The following GRM7 variants were observed in gnomAD, a reference collection of about 807,000 sequenced individuals.
The protein encoded by GRM7 is glutamate metabotropic receptor 7, also known as metabotropic glutamate receptor 7.
A neutral mutation model predicts 84.5 loss-of-function variants in GRM7; 35 were observed. That is an observed-to-expected ratio of 0.41 (90% CI 0.32 to 0.55). The LOEUF is 0.55. Among genes scored for constraint, GRM7 ranks in the 20% least tolerant of loss-of-function variants. The pLI is 0.19. For synonymous variants in GRM7, 487 were observed against 455.1 expected, an observed-to-expected ratio of 1.07 and a Z score of -0.89; for missense variants, 1,003 against 1,194.6, an observed-to-expected ratio of 0.84 and a Z score of 2.36.
intron 9 of GRM7, among the ~76,000 whole-genome samples, chr3:7,727,133 A>T (rs80180499): frequency 0.01 from 1,596 of 152,228 alleles, 36 homozygotes; most frequent in African/African-American, 0.036. Flanking sequence ...GCACATAAGC[A>T]TTTTCTATGT....
intron 1 of GRM7, among the ~76,000 whole-genome samples, chr3:7,075,930 C>G (rs1698061529): frequency 6.9e-6 from 1 of 145,554 alleles, no homozygotes; most frequent in African/African-American, 2.8e-5. Context: ...ACAAAACTGA[C>G]TTTTAATTTT....
Position 7,199,470 on chromosome 3 carries a change from A to G in GRM7, c.736+52802A>G, listed in dbSNP as rs186216642. Among the ~76,000 whole-genome samples, 394 of 152,370 alleles carry G rather than the reference A, an allele frequency of 2.6e-3. 1 individual carries two copies. The Middle Eastern group carries it at 0.034, about 13-fold the overall frequency. ...TTCCGTAAGGTTGTTTATTTAAACT[A>G]CTAAGCTCTGGAGTATCATGCTATG... On this transcript the variant is annotated intron_variant, in intron 2 of 9. Transcript: ENST00000357716.
intron 1 of GRM7, among the ~76,000 whole-genome samples, chr3:7,048,049 A>G (rs1415804115): frequency 6.6e-6 from 1 of 152,004 alleles, no homozygotes; most frequent in Non-Finnish European, 1.5e-5. Flanking sequence ...TCTCAGTTCA[A>G]CATTGCGATG....
intron 2 of GRM7, among the ~76,000 whole-genome samples, chr3:7,230,020 T>C (rs1465319240): frequency 6.6e-6 from 1 of 150,868 alleles, no homozygotes; most frequent in Non-Finnish European, 1.5e-5. Flanking sequence ...TTTGCGTTTT[T>C]AGTAGAGACG....
At chr3:7,047,452 C>G (rs1696844159) in intron 1 of GRM7, among the ~76,000 whole-genome samples, 1 of 152,038 alleles carries the variant, frequency 6.6e-6, no homozygotes, top group Non-Finnish European at 1.5e-5. Flanking sequence ...ATAGTCCAAC[C>G]ACCATCTCTC....
chr3:6,916,411 C>T (rs530375275), intron 1 of GRM7, among the ~76,000 whole-genome samples: 13 of 152,286 alleles, frequency 8.5e-5, no homozygotes, highest in African/African-American at 2.9e-4. Flanking sequence ...CAGAGGAATG[C>T]ATTAAGCAAG....
At chr3:7,119,478 A>G (rs531964020) in intron 1 of GRM7, among the ~76,000 whole-genome samples, 5 of 152,280 alleles carry the variant, frequency 3.3e-5, no homozygotes, top group African/African-American at 1.2e-4. Context: ...AAACTCTACA[A>G]AGTGCTTGTG....
intron 7 of GRM7, among the ~76,000 whole-genome samples, chr3:7,464,583 C>A (rs998627792): frequency 2.6e-5 from 4 of 151,966 alleles, no homozygotes; most frequent in African/African-American, 9.7e-5. Context: ...GTAATCCCAG[C>A]ACTTTGGGAG....
At chr3:7,384,695 G>C (rs548168854) in intron 4 of GRM7, among the ~76,000 whole-genome samples, 1 of 152,092 alleles carries the variant, frequency 6.6e-6, no homozygotes, top group Non-Finnish European at 1.5e-5. Flanking sequence ...ATCAAGACAC[G>C]TTTCAGTTGT....
chr3:7,144,807 A>G (rs1472709419), intron 1 of GRM7, among the ~76,000 whole-genome samples: 1 of 152,192 alleles, frequency 6.6e-6, no homozygotes, highest in African/African-American at 2.4e-5. Context: ...AAACCTCACT[A>G]TAATTGACAA....
At chr3:7,720,828 C>T (rs1007695765) in intron 9 of GRM7, among the ~76,000 whole-genome samples, 1 of 152,228 alleles carries the variant, frequency 6.6e-6, no homozygotes, top group Non-Finnish European at 1.5e-5. Flanking sequence ...CCTCTGGCTC[C>T]TGATGTCAGC....
At chr3:6,900,734 C>A (rs748695375) in intron 1 of GRM7, among the ~76,000 whole-genome samples, 1 of 152,058 alleles carries the variant, frequency 6.6e-6, no homozygotes, top group Non-Finnish European at 1.5e-5. Flanking sequence ...AATGTCATTT[C>A]AAAAAATAAA....
rs531471908 is a variant in GRM7 at position 7,088,937 on chromosome 3, A to G, written c.520-57515A>G. Among the ~76,000 whole-genome samples the G allele has an allele frequency of 2.6e-5, 4 of 152,188 alleles. No homozygotes were observed. The South Asian group carries it at 8.3e-4, about 32-fold the overall frequency. ...TATACATACAGCTGTCCTCTTAAAA[A>G]CAGAGCTCTCTTCAGTTCCCAATTT... On this transcript the variant is annotated intron_variant, in intron 1 of 9. Coordinates refer to ENST00000357716, the MANE Select transcript of GRM7 (RefSeq NM_000844.4).
intron 1 of GRM7, among the ~76,000 whole-genome samples, chr3:7,001,034 C>G (rs1694995205): frequency 6.6e-6 from 1 of 152,192 alleles, no homozygotes; most frequent in South Asian, 2.1e-4. Flanking sequence ...TAGCCTTTTG[C>G]TGAAAATCAT....
At chr3:6,949,036 G>A (rs28826047) in intron 1 of GRM7, among the ~76,000 whole-genome samples, 1 of 150,764 alleles carries the variant, frequency 6.6e-6, no homozygotes, top group Non-Finnish European at 1.5e-5. Context: ...CTTTTAATTG[G>A]AGCATTTAGC....
At chr3:7,557,009 G>A (rs965173375) in intron 7 of GRM7, among the ~76,000 whole-genome samples, 10 of 152,142 alleles carry the variant, frequency 6.6e-5, no homozygotes, top group South Asian at 2.1e-4. Flanking sequence ...TTTAACTTAT[G>A]AGCAATGAAA....
intron 9 of GRM7, among the ~76,000 whole-genome samples, chr3:7,723,656 C>A (rs1170951139): frequency 6.6e-6 from 1 of 152,024 alleles, no homozygotes; most frequent in Non-Finnish European, 1.5e-5. Context: ...CAACACGAGC[C>A]TCGGTAACAT....
chr3:6,999,575 C>G (rs1189189555), intron 1 of GRM7, among the ~76,000 whole-genome samples: 2 of 152,150 alleles, frequency 1.3e-5, no homozygotes, highest in East Asian at 3.9e-4. Context: ...AAGGACACAT[C>G]TGAGACTGGG....
At chr3:7,128,544 G>A (rs1693481856) in intron 1 of GRM7, among the ~76,000 whole-genome samples, 2 of 81,370 alleles carry the variant, frequency 2.5e-5, no homozygotes, top group South Asian at 7.4e-4. Context: ...GTCTTGCTGT[G>A]TCACCTAGGC....
Sources: gnomAD v4.1 joint callset for allele counts (sites outside exome capture counted in the v4.1 genomes callset) on GRCh38, gnomAD v4.1.1 for gene constraint, MANE v1.5 for transcripts, NCBI Gene and HGNC (gene_info 2026-07-23, HGNC 2026-07-21) for gene names.